The following NEK4 variants were observed in gnomAD, a reference collection of about 807,000 sequenced individuals.
NEK4 encodes NIMA related kinase 4.
A neutral mutation model predicts 98.4 loss-of-function variants in NEK4; 86 were observed. That is an observed-to-expected ratio of 0.87 (90% CI 0.73 to 1.05). The LOEUF (loss-of-function observed/expected upper bound fraction) is 1.05, where lower values mean the gene tolerates loss of function less well. Among genes scored for constraint, NEK4 ranks in the 50% least tolerant of loss-of-function variants. The probability of loss-of-function intolerance (pLI) is 0.00; values close to 1 mark genes in which losing one functional copy is unlikely to be tolerated. For missense variants in NEK4, 898 were observed against 950.3 expected, an observed-to-expected ratio of 0.94 and a Z score of 0.72; for synonymous variants, 328 against 342.2, an observed-to-expected ratio of 0.96 and a Z score of 0.46.
chr3:52,752,990 T>G (rs77174129), intron 6 of NEK4, among the ~76,000 whole-genome samples: 4 of 148,584 alleles, frequency 2.7e-5, no homozygotes, highest in African/African-American at 9.9e-5. Flanking sequence ...GGAATGAAGT[T>G]CTGATACATG....
In NEK4 at chr3:52,768,383, C is replaced by T. The variant is rs199688345; in HGVS notation, c.315G>A (p.Glu105=). The T allele has an allele frequency of 1.7e-4, 273 of 1,614,034 alleles. No homozygotes were observed. The highest frequency in any genetic ancestry group is 1.6e-4 in the Middle Eastern group (1 of 6,084). The change falls in exon 2 of 16, where the codon GAG becomes GAA. Residue 105 remains glutamate (E), a synonymous_variant. Coordinates refer to ENST00000233027, the MANE Select transcript of NEK4 (RefSeq NM_003157.6). ...GTACAAACCACTCTACCACCTGATT[C>T]TCAGGCAGAAGCTGCCCTTTCTGCT... ...LKEQKGQLLP[E]NQVVEWFVQI...
intron 15 of NEK4, among the ~76,000 whole-genome samples, chr3:52,725,414 C>A (rs1171092138): frequency 6.6e-6 from 1 of 151,946 alleles, no homozygotes; most frequent in Non-Finnish European, 1.5e-5. Flanking sequence ...ACTCGGGAGG[C>A]TGAGGCAGGA....
At chr3:52,737,102 A>C (rs1054868078) in intron 15 of NEK4, among the ~76,000 whole-genome samples, 2 of 152,078 alleles carry the variant, frequency 1.3e-5, no homozygotes, top group African/African-American at 4.8e-5. Context: ...ATGCCCAGCT[A>C]ATTTTTATAT....
chr3:52,742,841 G>C (rs2097389020), intron 12 of NEK4, among the ~76,000 whole-genome samples: 1 of 152,102 alleles, frequency 6.6e-6, no homozygotes. Context: ...CTAGGCTAAA[G>C]CACAGTGGTG....
intron 10 of NEK4, among the ~76,000 whole-genome samples, chr3:52,745,121 G>C (rs952134493): frequency 2.6e-5 from 4 of 151,786 alleles, no homozygotes; most frequent in African/African-American, 9.7e-5. Flanking sequence ...GGGTTTCACT[G>C]TGTTAGCCAG....
chr3:52,752,405 C>T (rs1361153881), intron 6 of NEK4, 69 bp from the exon 7 acceptor site: 10 of 1,442,904 alleles, frequency 6.9e-6, no homozygotes, highest in Non-Finnish European at 9.4e-6. Context: ...ACTCAAAATG[C>T]AACAAGAGGT....
chr3:52,715,902 C>G (rs981410431), intron 15 of NEK4, among the ~76,000 whole-genome samples: 2 of 152,198 alleles, frequency 1.3e-5, no homozygotes, highest in Non-Finnish European at 2.9e-5. Context: ...GAGCCCAGAC[C>G]TGGGAGCTCC....
At chr3:52,757,794 G>A (rs1345602197) in intron 6 of NEK4, among the ~76,000 whole-genome samples, 2 of 152,148 alleles carry the variant, frequency 1.3e-5, no homozygotes, top group African/African-American at 4.8e-5. Flanking sequence ...GATATTATGT[G>A]AAACGAAATA....
chr3:52,750,281 C>T (rs1291974085), intron 7 of NEK4, among the ~76,000 whole-genome samples: 1 of 152,182 alleles, frequency 6.6e-6, no homozygotes, highest in Admixed American at 6.5e-5. Context: ...GGTGTGGTGG[C>T]TCACACCTGT....
Position 52,743,450 on chromosome 3 carries a change from T to C in NEK4, c.1906A>G (p.Arg636Gly). Residue 636 changes from arginine to glycine, a missense_variant, in exon 12 of 16, where the codon AGG becomes GGG. Transcript: ENST00000233027. ...EEMSSSGPSVRKASLSVAGPG... is the reference protein window; with the variant it reads ...EEMSSSGPSVGKASLSVAGPG... ...CCTGCTACACTCAGAGACGCTTTCC[T>C]CACTGAAGGGCCTGAAAAGGCAAAC... The C allele has an allele frequency of 6.2e-7, 1 of 1,613,994 alleles. No individual in the cohort carries two copies. Among genetic ancestry groups the C allele is most frequent in the African/African-American group, 1.3e-5 (1 of 75,056 alleles).
At chr3:52,769,272 A>C (rs1698695049) in intron 1 of NEK4, among the ~76,000 whole-genome samples, 1 of 152,196 alleles carries the variant, frequency 6.6e-6, no homozygotes, top group South Asian at 2.1e-4. Context: ...AAGCTCTCCC[A>C]AAAAGGTGAA....
intron 6 of NEK4, among the ~76,000 whole-genome samples, chr3:52,753,075 TC>T (rs2097408426): frequency 6.7e-6 from 1 of 150,250 alleles, no homozygotes; most frequent in East Asian, 2.0e-4. Context: ...ACACCTATCA[TC>T]CCAGCACTTG....
chr3:52,766,256 A>G lies in NEK4; in HGVS notation c.480T>C (p.Cys160=), dbSNP rs1322370967. The G allele has an allele frequency of 1.9e-6, 3 of 1,614,048 alleles. No individual in the cohort carries two copies. In the African/African-American group the frequency reaches 4.0e-5, roughly 22 times the overall value. The part of the protein sequence containing the change: ...LGIARVLENH[C]DMASTLIGTP... ...TGCCAATGAGGGTGCTAGCCATGTCACAGTGGTTCTCTAACACTCGGGCAA... is the reference window on the plus strand; with the variant it reads ...TGCCAATGAGGGTGCTAGCCATGTCGCAGTGGTTCTCTAACACTCGGGCAA... Residue 160 remains cysteine (C), a synonymous_variant, in exon 3 of 16, where the codon TGT becomes TGC. Transcript: ENST00000233027.
chr3:52,709,161 G>A lies in NEK4; in HGVS notation c.*2616C>T, dbSNP rs2097347726. 6.8e-6 allele frequency: 1 copy of A among 147,454 alleles called. No homozygotes were observed. The highest frequency in any genetic ancestry group is 6.8e-5 in the Admixed American group (1 of 14,618). 9.1% of individuals were successfully genotyped at this position (147,454 alleles called of 1,614,324 possible). ...ATCGCACCACTGTACTCCAGCCTGG[G>A]CAACAAGAAGACTCCATCTCAAAAA... On this transcript the variant is annotated 3_prime_UTR_variant, in exon 16 of 16. Transcript: ENST00000233027.
At chr3:52,757,615 T>C (rs932669133) in intron 6 of NEK4, among the ~76,000 whole-genome samples, 5 of 150,928 alleles carry the variant, frequency 3.3e-5, no homozygotes, top group African/African-American at 1.2e-4. Context: ...TGTACATTCA[T>C]GTTCATAGCA....
chr3:52,760,444 T>C (rs1450243056), intron 6 of NEK4, among the ~76,000 whole-genome samples: 2 of 152,232 alleles, frequency 1.3e-5, no homozygotes, highest in Non-Finnish European at 2.9e-5. Context: ...CTTGAACTCC[T>C]GACCTCAGGT....
At chr3:52,727,444 A>T (rs913397540) in intron 15 of NEK4, among the ~76,000 whole-genome samples, 2 of 152,258 alleles carry the variant, frequency 1.3e-5, no homozygotes, top group African/African-American at 4.8e-5. Context: ...GTTAGAAATC[A>T]GTAACAAGGA....
intron 15 of NEK4, among the ~76,000 whole-genome samples, chr3:52,720,394 G>T (rs1022004044): frequency 6.6e-6 from 1 of 152,058 alleles, no homozygotes; most frequent in Non-Finnish European, 1.5e-5. Flanking sequence ...CAAATTTATT[G>T]AAAAACATTG....
chr3:52,770,894 C>G lies in NEK4; in HGVS notation c.-148G>C. 1 of 646,020 alleles carries G rather than the reference C, an allele frequency of 1.5e-6. No homozygotes were observed. The highest frequency in any genetic ancestry group is 2.8e-5 in the East Asian group (1 of 36,046). The allele number at this position is 646,020 out of a possible 1,614,324, so 40.0% of individuals were successfully genotyped here. Reference sequence around the variant, plus strand: ...CCCGGGCGGGATTGCTGGGGCCCGGCCCGCGACGACGCCGCTGCCATAGCG... The same window carrying G: ...CCCGGGCGGGATTGCTGGGGCCCGGGCCGCGACGACGCCGCTGCCATAGCG... On this transcript the variant is annotated 5_prime_UTR_variant, in exon 1 of 16. Transcript: ENST00000233027.
Sources: allele counts gnomAD v4.1 joint callset (sites outside exome capture counted in the v4.1 genomes callset), GRCh38; gene constraint gnomAD v4.1.1; transcripts MANE v1.5; gene names NCBI Gene and HGNC (gene_info 2026-07-23, HGNC 2026-07-21).